Variants in SLC36A3 observed in about 807,000 individuals in gnomAD.
SLC36A3 encodes the protein proton-coupled amino acid transporter 3.
Under a neutral mutation model 44.3 loss-of-function variants are expected in SLC36A3, and 35 were observed. The ratio of observed to expected loss-of-function variants is 0.79; its 90% CI spans 0.60 to 1.05. The LOEUF is 1.05. Among genes scored for constraint, SLC36A3 ranks in the 50% least tolerant of loss-of-function variants. The probability of loss-of-function intolerance (pLI) is 0.00; values close to 1 mark genes in which losing one functional copy is unlikely to be tolerated. For missense variants in SLC36A3, 540 were observed against 578.7 expected (o/e 0.93, Z 0.69); for synonymous variants, 211 against 227.6 (o/e 0.93, Z 0.66).
At chr5:151,295,169 A>G (rs1481401792) in intron 3 of SLC36A3, among the ~76,000 whole-genome samples, 1 of 152,174 alleles carries the variant, frequency 6.6e-6, no homozygotes, top group Non-Finnish European at 1.5e-5. Flanking sequence ...GAAGATTTGC[A>G]AAATGGTTAA....
chr5:151,295,887 A>T (rs938336440), intron 3 of SLC36A3, among the ~76,000 whole-genome samples: 1 of 152,238 alleles, frequency 6.6e-6, no homozygotes, highest in Non-Finnish European at 1.5e-5. Context: ...AGAGTAATTT[A>T]TATAGTGCTT....
Position 151,277,558 on chromosome 5 carries a change from G to A in SLC36A3, c.1248C>T (p.Ile416=), listed in dbSNP as rs752756808. 8.1e-6 allele frequency: 13 copies of A among 1,614,062 alleles called. No individual in the cohort carries two copies. The highest frequency in any genetic ancestry group is 8.0e-5 in the African/African-American group (6 of 74,934). ...LALIIPALLE[I]VIFYSEDMSC... is the part of the protein sequence containing the mutation. ...TCATGTCCTCAGAGTAAAAGATGAC[G>A]ATCTCCAGGAGGGCTGGGATGATGA... Residue 416 remains isoleucine (I), a synonymous_variant, in exon 10 of 10, where the codon ATC becomes ATT. Coordinates refer to ENST00000335230, the MANE Select transcript of SLC36A3 (RefSeq NM_181774.4).
rs777025568 is a variant in SLC36A3, at chr5:151,298,624, A to G, written c.188T>C (p.Leu63Pro). The stretch of plus-strand genomic sequence containing the variant: ...GCCGGCATTCTTTATGGCCAGGGGA[A>G]GCCCCAGGAGCCCTGTGCCAATGTT... ...KCNIGTGLLG[L>P]PLAIKNAGLL... is the part of the protein sequence containing the mutation. Residue 63 changes from leucine (L) to proline (P), a missense_variant, in exon 2 of 10, where the codon CTT becomes CCT. Transcript: ENST00000335230. 14 of 1,614,080 alleles carry G rather than the reference A, an allele frequency of 8.7e-6. No individual in the cohort carries two copies. In the South Asian group the frequency reaches 1.4e-4, roughly 16 times the overall value.
intron 6 of SLC36A3, 47 bp downstream of exon 6, chr5:151,287,199 G>T: frequency 6.3e-7 from 1 of 1,594,176 alleles, no homozygotes; most frequent in Non-Finnish European, 8.6e-7. Context: ...CTCCCCAGGT[G>T]TTTCAGAGAC....
At chr5:151,296,465 A>G (rs1580823546) in intron 2 of SLC36A3, 197 bp from the exon 3 acceptor site, 1 of 604,930 alleles carries the variant, frequency 1.7e-6, no homozygotes, top group African/African-American at 1.9e-5. Context: ...GTGGCTGCCC[A>G]ACTTCTGCTA....
intron 8 of SLC36A3, among the ~76,000 whole-genome samples, chr5:151,282,360 G>T (rs779576143): frequency 2.0e-5 from 3 of 151,892 alleles, no homozygotes; most frequent in Non-Finnish European, 4.4e-5. Context: ...TAGAGACGGG[G>T]TTTCTCTATG....
At chr5:151,291,140 G>C (rs1206378330) in intron 4 of SLC36A3, among the ~76,000 whole-genome samples, 4 of 151,858 alleles carry the variant, frequency 2.6e-5, no homozygotes. Flanking sequence ...GTGCTACCAG[G>C]CCTGGCTATT....
At chr5:151,293,906 T>C (rs922512558) in intron 3 of SLC36A3, among the ~76,000 whole-genome samples, 1 of 151,208 alleles carries the variant, frequency 6.6e-6, no homozygotes, top group African/African-American at 2.5e-5. Context: ...CCCAGCCCCC[T>C]GTAGGATGTG....
intron 4 of SLC36A3, among the ~76,000 whole-genome samples, chr5:151,291,126 G>T (rs1193870819): frequency 1.3e-5 from 2 of 151,834 alleles, no homozygotes; most frequent in Admixed American, 1.3e-4. Context: ...GGATCCACAG[G>T]TGTGTGCTAC....
intron 6 of SLC36A3, 105 bp downstream of exon 6, chr5:151,287,141 A>T: frequency 2.6e-6 from 3 of 1,144,660 alleles, no homozygotes; most frequent in Middle Eastern, 5.0e-4. Flanking sequence ...CTCAGAGCAG[A>T]GGATCACCTT....
intron 8 of SLC36A3, among the ~76,000 whole-genome samples, chr5:151,283,050 A>G (rs765190507): frequency 7.2e-5 from 11 of 151,806 alleles, no homozygotes; most frequent in African/African-American, 9.7e-5. Context: ...ACGCCCAGCT[A>G]ATTTTGATAT....
chr5:151,296,498 C>T, intron 2 of SLC36A3: 1 of 579,020 alleles, frequency 1.7e-6, no homozygotes, highest in Non-Finnish European at 3.1e-6. Flanking sequence ...TGACAGAGAG[C>T]TCATTACCTT....
chr5:151,279,047 C>T (rs17111894), intron 9 of SLC36A3, among the ~76,000 whole-genome samples: 11,652 of 152,194 alleles, frequency 0.077, 1,272 homozygotes, highest in African/African-American at 0.24. Context: ...TCTCAGCACT[C>T]TCCACTTCTC....
intron 8 of SLC36A3, 118 bp from the exon 9 acceptor site, chr5:151,281,301 T>C: frequency 9.7e-7 from 1 of 1,028,514 alleles, no homozygotes; most frequent in Non-Finnish European, 1.4e-6. Flanking sequence ...AAACAAAATC[T>C]GAAATGCTTC....
chr5:151,292,660 C>T (rs1470887364), intron 4 of SLC36A3, among the ~76,000 whole-genome samples: 1 of 152,136 alleles, frequency 6.6e-6, no homozygotes, highest in Non-Finnish European at 1.5e-5. Context: ...GGATATACAT[C>T]CACACTAGGG....
In SLC36A3 at chr5:151,279,201, G is replaced by T. The variant is rs137940541; in HGVS notation, c.1145-1540C>A. Among the ~76,000 whole-genome samples, 904 of 152,252 alleles carry T rather than the reference G, an allele frequency of 5.9e-3. 11 individuals carry two copies. Among genetic ancestry groups the T allele is most frequent in the Non-Finnish European group, 8.0e-3 (547 of 68,014 alleles). ...TCCACTGGAGAGGACTCCCTGGCTC[G>T]GCCAGGCTGAGTTATAGGACCCCCT... On this transcript the variant is annotated intron_variant, in intron 9 of 9. Coordinates refer to ENST00000335230, the MANE Select transcript of SLC36A3 (RefSeq NM_181774.4).
chr5:151,295,398 T>C (rs1754924911), intron 3 of SLC36A3, among the ~76,000 whole-genome samples: 2 of 152,250 alleles, frequency 1.3e-5, no homozygotes, highest in South Asian at 2.1e-4. Context: ...AATGAGTAAA[T>C]GCTCTTAAAA....
intron 3 of SLC36A3, 87 bp from the exon 4 acceptor site, chr5:151,293,546 TTGTG>T: frequency 9.2e-7 from 1 of 1,092,704 alleles, no homozygotes; most frequent in Non-Finnish European, 1.3e-6. Context: ...TTTTATGTAT[TTGTG>T]TGTGAGCATG....
intron 6 of SLC36A3, among the ~76,000 whole-genome samples, chr5:151,285,067 C>T (rs183015167): frequency 2.0e-5 from 3 of 152,132 alleles, no homozygotes; most frequent in Non-Finnish European, 2.9e-5. Context: ...CCTCCTGGCA[C>T]CCCCTGCTCT....
Sources: allele counts gnomAD v4.1 joint callset (sites outside exome capture counted in the v4.1 genomes callset), GRCh38; gene constraint gnomAD v4.1.1; transcripts MANE v1.5; gene names NCBI Gene and HGNC (gene_info 2026-07-23, HGNC 2026-07-21).